Variants in RGPD2 observed in about 807,000 individuals in gnomAD.
RGPD2 encodes RANBP2 like and GRIP domain containing 2.
In RGPD2, 2 loss-of-function variants were observed where a neutral mutation model predicts 36.0. The ratio of observed to expected loss-of-function variants is 0.06; its 90% CI spans 0.02 to 0.17. The LOEUF (loss-of-function observed/expected upper bound fraction) is 0.17, where lower values mean the gene tolerates loss of function less well. Among genes scored for constraint, RGPD2 ranks in the 10% least tolerant of loss-of-function variants. RGPD2 has a pLI of 1.00. For synonymous variants in RGPD2, 19 were observed against 163.8 expected, an observed-to-expected ratio of 0.12 and a Z score of 6.75; for missense variants, 40 against 464.3, an observed-to-expected ratio of 0.09 and a Z score of 8.40.
At chr2:87,939,813 T>G in the RGPD2 span, among the ~76,000 whole-genome samples, 19,279 of 150,764 alleles carry the variant, frequency 0.13, 1,430 homozygotes, top group African/African-American at 0.3. Flanking sequence ...TACTTGATTG[T>G]GCTGTTTGAG....
chr2:87,975,670 T>A, the RGPD2 span, among the ~76,000 whole-genome samples: 11 of 152,244 alleles, frequency 7.2e-5, no homozygotes, highest in Admixed American at 7.2e-4. Flanking sequence ...AACCTACTTG[T>A]GCCATTTATC....
chr2:87,882,711 T>C, the RGPD2 span, among the ~76,000 whole-genome samples: 2 of 152,226 alleles, frequency 1.3e-5, no homozygotes, highest in Non-Finnish European at 2.9e-5. Flanking sequence ...ATATTAATTC[T>C]ACTAATTCAT....
chr2:87,915,873 G>T, the RGPD2 span, among the ~76,000 whole-genome samples: 4 of 151,474 alleles, frequency 2.6e-5, no homozygotes, highest in Non-Finnish European at 4.4e-5. Flanking sequence ...TAATCACAAT[G>T]CCTAAATAAC....
At chr2:87,841,003 A>C in the RGPD2 span, among the ~76,000 whole-genome samples, 1 of 152,056 alleles carries the variant, frequency 6.6e-6, no homozygotes, top group African/African-American at 2.4e-5. Context: ...AAGACACTTT[A>C]ATAGGACTAT....
chr2:87,905,075 G>A, the RGPD2 span, among the ~76,000 whole-genome samples: 3 of 152,106 alleles, frequency 2.0e-5, no homozygotes, highest in Non-Finnish European at 4.4e-5. Flanking sequence ...GGGAAAACCA[G>A]TAAATCAAAA....
At chr2:87,940,259 G>T in the RGPD2 span, among the ~76,000 whole-genome samples, 3 of 151,926 alleles carry the variant, frequency 2.0e-5, no homozygotes, top group Admixed American at 6.6e-5. Context: ...GTTTGTAAGC[G>T]GACAAATGGA....
the RGPD2 span, among the ~76,000 whole-genome samples, chr2:87,863,524 A>G: frequency 6.6e-6 from 1 of 151,714 alleles, no homozygotes; most frequent in Non-Finnish European, 1.5e-5. Flanking sequence ...AAAAATGACA[A>G]CCAGCTAAGA....
chr2:87,973,045 G>T, the RGPD2 span: 1 of 1,588,930 alleles, frequency 6.3e-7, no homozygotes, highest in East Asian at 2.2e-5. Context: ...ACGAGGATGT[G>T]GTTCACCGCC....
At chr2:87,809,585 C>T (rs373736727) in intron 6 of RGPD2, among the ~76,000 whole-genome samples, 4 of 136,900 alleles carry the variant, frequency 2.9e-5, no homozygotes, top group South Asian at 2.7e-4. Context: ...AGAAGAATGG[C>T]GTGAACCTGG....
At chr2:87,883,849 G>A in the RGPD2 span, among the ~76,000 whole-genome samples, 1 of 151,792 alleles carries the variant, frequency 6.6e-6, no homozygotes, top group Non-Finnish European at 1.5e-5. Context: ...AATAGTAATA[G>A]GGTATTTCAA....
chr2:87,876,697 G>A, the RGPD2 span, among the ~76,000 whole-genome samples: 7 of 152,364 alleles, frequency 4.6e-5, no homozygotes, highest in South Asian at 2.1e-4. Flanking sequence ...TTGTTTTTGG[G>A]TAGAGACTTC....
chr2:87,975,362 G>GT, the RGPD2 span, among the ~76,000 whole-genome samples: 111 of 140,574 alleles, frequency 7.9e-4, no homozygotes, highest in Admixed American at 1.4e-3. Flanking sequence ...ATTACAGCAA[G>GT]TTTTTTTCTT....
the RGPD2 span, among the ~76,000 whole-genome samples, chr2:87,915,385 G>GTATA: frequency 3.7e-5 from 4 of 109,090 alleles, no homozygotes; most frequent in African/African-American, 1.0e-4. Flanking sequence ...TATATATATT[G>GTATA]TATATATATG....
the RGPD2 span, among the ~76,000 whole-genome samples, chr2:87,852,795 A>G: frequency 6.6e-6 from 1 of 152,296 alleles, no homozygotes; most frequent in Non-Finnish European, 1.5e-5. Flanking sequence ...CGTTTTCCCT[A>G]ACTATTTTAT....
the RGPD2 span, among the ~76,000 whole-genome samples, chr2:87,886,898 A>T: frequency 2.0e-5 from 3 of 151,920 alleles, no homozygotes; most frequent in Non-Finnish European, 4.4e-5. Context: ...AGAGAGGTTA[A>T]GCATGTACCC....
the RGPD2 span, among the ~76,000 whole-genome samples, chr2:87,886,391 C>T: frequency 6.6e-6 from 1 of 151,288 alleles, no homozygotes; most frequent in African/African-American, 2.4e-5. Context: ...AACTACACTA[C>T]CTATTGCATT....
the RGPD2 span, among the ~76,000 whole-genome samples, chr2:87,856,918 GA>G: frequency 2.0e-5 from 3 of 151,868 alleles, no homozygotes; most frequent in Admixed American, 2.0e-4. Context: ...ATAGGGCTTT[GA>G]CTATCAGCAG....
chr2:87,988,541 A>ATATT, the RGPD2 span, among the ~76,000 whole-genome samples: 1,131 of 54,152 alleles, frequency 0.021, 61 homozygotes, highest in African/African-American at 0.047. Flanking sequence ...ATATATATAT[A>ATATT]TTTTTTTTTT....
chr2:87,915,306 G>GTA, the RGPD2 span, among the ~76,000 whole-genome samples: 24,934 of 110,582 alleles, frequency 0.23, 3,781 homozygotes, highest in Non-Finnish European at 0.24. Context: ...TATATATATT[G>GTA]TATATATATG....
Sources: allele counts gnomAD v4.1 joint callset (sites outside exome capture counted in the v4.1 genomes callset), GRCh38; gene constraint gnomAD v4.1.1; transcripts MANE v1.5; gene names NCBI Gene and HGNC (gene_info 2026-07-23, HGNC 2026-07-21).